SNX19: variants seen among roughly 807,000 people sequenced by gnomAD.
The protein encoded by SNX19 is sorting nexin-19.
SNX19 carries 60 observed loss-of-function variants against 85.2 expected under a neutral mutation model. The ratio of observed to expected loss-of-function variants is 0.70; its 90% CI spans 0.57 to 0.87. The LOEUF (loss-of-function observed/expected upper bound fraction) is 0.87, where lower values mean the gene tolerates loss of function less well. SNX19 is among the 40% of genes least tolerant of loss of function. The pLI is 0.00. For synonymous variants in SNX19, 520 were observed against 470.0 expected, an observed-to-expected ratio of 1.11 and a Z score of -1.38; for missense variants, 1,201 against 1,217.8, an observed-to-expected ratio of 0.99 and a Z score of 0.21.
rs1270954587 is a variant in SNX19, at chr11:130,915,496, C to A, written c.444G>T (p.Val148=). The A allele has an allele frequency of 1.9e-6, 3 of 1,614,258 alleles. No individual in the cohort carries two copies. Among genetic ancestry groups the A allele is most frequent in the Non-Finnish European group, 1.7e-6 (2 of 1,180,048 alleles). The part of the protein sequence containing the change: ...LVQELRRRMS[V]MDSHAVAQSV... ...TCTGGGCAACAGCATGACTGTCCAT[C>A]ACGCTCATCCTTCTCCGAAGCTCCT... The change falls in exon 1 of 11, where the codon GTG becomes GTT. Residue 148 remains valine, a synonymous_variant. Coordinates refer to ENST00000265909, the MANE Select transcript of SNX19 (RefSeq NM_014758.3).
intron 5 of SNX19, among the ~76,000 whole-genome samples, chr11:130,907,370 G>T (rs1035787622): frequency 1.3e-5 from 2 of 151,950 alleles, no homozygotes; most frequent in African/African-American, 4.8e-5. Flanking sequence ...TTTTCATAAG[G>T]ACCCAGATAT....
chr11:130,896,945 C>T lies in SNX19; in HGVS notation c.2573+6310G>A, dbSNP rs202240536. On this transcript the variant is annotated intron_variant, in intron 8 of 10. Coordinates refer to ENST00000265909, the MANE Select transcript of SNX19 (RefSeq NM_014758.3). Reference sequence around the variant, plus strand: ...CCTTGAAGTAGAGTTCCACAGAAAGCGCCTTGATTCTGGAGCGTTCTAAGA... The same window carrying T: ...CCTTGAAGTAGAGTTCCACAGAAAGTGCCTTGATTCTGGAGCGTTCTAAGA... Among the ~76,000 whole-genome samples, 325 of 145,606 alleles carry T rather than the reference C, an allele frequency of 2.2e-3. 8 individuals carry two copies. The East Asian group carries it at 0.052, about 23-fold the overall frequency.
chr11:130,903,866 C>A (rs1387283156), intron 7 of SNX19, among the ~76,000 whole-genome samples: 2 of 152,098 alleles, frequency 1.3e-5, no homozygotes, highest in African/African-American at 2.4e-5. Context: ...AAGGCCTCCT[C>A]TCTTTCCAAC....
At chr11:130,896,882 T>C (rs1019421760) in intron 8 of SNX19, among the ~76,000 whole-genome samples, 1 of 152,036 alleles carries the variant, frequency 6.6e-6, no homozygotes, top group Non-Finnish European at 1.5e-5. Context: ...AGAACTGTTA[T>C]CCACCTGCTA....
chr11:130,907,285 G>A (rs1945740915), intron 5 of SNX19, among the ~76,000 whole-genome samples: 1 of 152,182 alleles, frequency 6.6e-6, no homozygotes, highest in African/African-American at 2.4e-5. Flanking sequence ...TAGGTACTGT[G>A]AGTCTGTTAT....
chr11:130,896,307 A>C (rs755584603), intron 8 of SNX19, among the ~76,000 whole-genome samples: 40 of 152,246 alleles, frequency 2.6e-4, no homozygotes, highest in Non-Finnish European at 4.8e-4. Flanking sequence ...TCTGAGTCTT[A>C]ACGTTGATAA....
intron 8 of SNX19, among the ~76,000 whole-genome samples, chr11:130,891,897 G>C (rs2135331408): frequency 6.7e-6 from 1 of 149,958 alleles, no homozygotes; most frequent in African/African-American, 2.5e-5. Flanking sequence ...CTGGAGTGCA[G>C]TGGTGCAATC....
intron 8 of SNX19, among the ~76,000 whole-genome samples, chr11:130,888,882 C>T (rs745772056): frequency 6.1e-4 from 93 of 152,154 alleles, no homozygotes; most frequent in African/African-American, 1.4e-3. Flanking sequence ...CTATTTTGGT[C>T]GCCAATTCTA....
At chr11:130,906,892 A>T (rs978089179) in intron 5 of SNX19, among the ~76,000 whole-genome samples, 171 bp from the exon 6 acceptor site, 2 of 152,218 alleles carry the variant, frequency 1.3e-5, no homozygotes, top group African/African-American at 4.8e-5. Flanking sequence ...TCCCCCAAAC[A>T]ATGTATATTC....
intron 10 of SNX19, 141 bp from the exon 11 acceptor site, chr11:130,878,695 G>A (rs1371870189): frequency 9.0e-7 from 1 of 1,108,444 alleles, no homozygotes; most frequent in African/African-American, 1.6e-5. Context: ...TGAAATTAAT[G>A]TTTTTTGAAC....
At chr11:130,880,570 C>G in intron 9 of SNX19, 52 bp downstream of exon 9, 1 of 1,486,978 alleles carries the variant, frequency 6.7e-7, no homozygotes, top group Non-Finnish European at 9.1e-7. Flanking sequence ...GGTGGCAAAG[C>G]AGAATGGAAG....
intron 7 of SNX19, among the ~76,000 whole-genome samples, chr11:130,905,115 T>C (rs1395645994): frequency 6.6e-6 from 1 of 152,254 alleles, no homozygotes; most frequent in Non-Finnish European, 1.5e-5. Context: ...GGAACTGATA[T>C]ACTTATTTTA....
chr11:130,910,898 C>T (rs771969707), intron 2 of SNX19, among the ~76,000 whole-genome samples: 3 of 152,158 alleles, frequency 2.0e-5, no homozygotes, highest in Non-Finnish European at 4.4e-5. Flanking sequence ...AATTTTATTA[C>T]ATTAAAAAAT....
chr11:130,879,002 G>C (rs1005295177), intron 10 of SNX19, among the ~76,000 whole-genome samples: 1 of 152,198 alleles, frequency 6.6e-6, no homozygotes, highest in Non-Finnish European at 1.5e-5. Flanking sequence ...GGTAGGGTTT[G>C]AGTGCAAGGT....
rs1756837169 is a variant in SNX19, at chr11:130,869,131, A to G, written c.*9291T>C. On this transcript the variant is annotated 3_prime_UTR_variant, in exon 11 of 11. Coordinates refer to ENST00000265909, the MANE Select transcript of SNX19 (RefSeq NM_014758.3). ...GCCTCCAAGGGATTAACAGCCCAGT[A>G]GGGAAGACAGACCAACAGGCAAACC... is the stretch of plus-strand genomic sequence containing the variant. 6.6e-6 allele frequency: 1 copy of G among 152,270 alleles called. No individual in the cohort carries two copies. Among genetic ancestry groups the G allele is most frequent in the South Asian group, 2.1e-4 (1 of 4,832 alleles). The allele number at this position is 152,270 out of a possible 1,614,324, so 9.4% of individuals were successfully genotyped here.
At chr11:130,903,407 G>A (rs755851771) in intron 7 of SNX19, 23 bp from the exon 8 acceptor site, 1 of 1,610,946 alleles carries the variant, frequency 6.2e-7, no homozygotes, top group Admixed American at 1.7e-5. Flanking sequence ...ATGGCATCAG[G>A]AGTAACTCAG....
intron 3 of SNX19, 57 bp from the exon 4 acceptor site, chr11:130,910,194 C>G: frequency 6.2e-7 from 1 of 1,613,556 alleles, no homozygotes; most frequent in Non-Finnish European, 8.5e-7. Context: ...CCAAATCTCT[C>G]CACCTTGGCT....
At chr11:130,893,748 G>A (rs952553245) in intron 8 of SNX19, 2 of 699,740 alleles carry the variant, frequency 2.9e-6, no homozygotes, top group African/African-American at 3.5e-5. Flanking sequence ...GAGGAGGCAG[G>A]TGTTGAGGAA....
In SNX19 at chr11:130,915,661, C is replaced by T. The variant is rs1054425292; in HGVS notation, c.279G>A (p.Glu93=). The change falls in exon 1 of 11, where the codon GAG becomes GAA. Residue 93 remains glutamate, a synonymous_variant. Transcript: ENST00000265909. The part of the protein sequence containing the change: ...IPLATCPPCP[E]AERQLEREIN... ...TCTCCCGTTCCAGCTGCCTTTCTGC[C>T]TCAGGGCATGGAGGACAGGTGGCCA... 2 of 1,614,102 alleles carry T rather than the reference C, an allele frequency of 1.2e-6. No individual in the cohort carries two copies. The highest frequency in any genetic ancestry group is 1.3e-5 in the African/African-American group (1 of 74,932).
Sources: gnomAD v4.1 joint callset for allele counts (sites outside exome capture counted in the v4.1 genomes callset) on GRCh38, gnomAD v4.1.1 for gene constraint, MANE v1.5 for transcripts, NCBI Gene and HGNC (gene_info 2026-07-23, HGNC 2026-07-21) for gene names.